The following SYN2 variants were observed in gnomAD, a reference collection of about 807,000 sequenced individuals.
SYN2 encodes synapsin II, also known as synapsin-2.
SYN2 carries 19 observed loss-of-function variants against 50.9 expected under a neutral mutation model. The observed-to-expected ratio is 0.37, with a 90% confidence interval of 0.26 to 0.55. The LOEUF (loss-of-function observed/expected upper bound fraction) is 0.55, where lower values mean the gene tolerates loss of function less well. Ranked by LOEUF, SYN2 falls within the 20% of genes least tolerant of loss-of-function variation. The pLI is 0.81. For synonymous variants in SYN2, 255 were observed against 224.9 expected (o/e 1.13, Z -1.20); for missense variants, 587 against 576.4 (o/e 1.02, Z -0.19).
chr3:12,153,407 A>G, intron 5 of SYN2: 2 of 1,310,976 alleles, frequency 1.5e-6, no homozygotes, highest in South Asian at 2.5e-5. Flanking sequence ...GGCACTTCTT[A>G]TTAGCTGGCA....
chr3:12,115,570 G>A (rs1025530600), intron 1 of SYN2, among the ~76,000 whole-genome samples: 1 of 152,040 alleles, frequency 6.6e-6, no homozygotes, highest in Admixed American at 6.6e-5. Flanking sequence ...TATTCATTCC[G>A]TATTTTTAAT....
Position 12,190,647 on chromosome 3 carries a change from C to T in SYN2, c.*22C>T. On this transcript the variant is annotated 3_prime_UTR_variant, in exon 13 of 13. Coordinates refer to ENST00000621198, the MANE Select transcript of SYN2 (RefSeq NM_133625.6). ...TTAGCTCTTCAGACACACGGGGCACCCAGCCCAACCGGGAAAGGCATCTAA... is the reference window on the plus strand; with the variant it reads ...TTAGCTCTTCAGACACACGGGGCACTCAGCCCAACCGGGAAAGGCATCTAA... 22 of 1,606,232 alleles carry T rather than the reference C, an allele frequency of 1.4e-5. No homozygotes were observed. The highest frequency in any genetic ancestry group is 1.9e-5 in the Non-Finnish European group (22 of 1,176,850).
chr3:12,104,555 T>G (rs1032298557), intron 1 of SYN2, among the ~76,000 whole-genome samples: 1 of 141,478 alleles, frequency 7.1e-6, no homozygotes, highest in African/African-American at 2.7e-5. Flanking sequence ...ATGTGAAACA[T>G]TTTTCTTTTC....
Position 12,066,216 on chromosome 3 carries a change from A to G in SYN2, c.377+61288A>G, listed in dbSNP as rs1574919541. ...AATAATGAATCAATATTGGCTTGTT[A>G]ATTATAACAAATATACCATACTGAT... On this transcript the variant is annotated intron_variant, in intron 1 of 12. Coordinates refer to ENST00000621198, the MANE Select transcript of SYN2 (RefSeq NM_133625.6). 2.6e-5 allele frequency among the ~76,000 whole-genome samples: 4 copies of G among 152,216 alleles called. No individual in the cohort carries two copies. In the South Asian group the frequency reaches 8.3e-4, roughly 32 times the overall value.
chr3:12,163,021 A>T (rs1327367297), intron 7 of SYN2, among the ~76,000 whole-genome samples: 1 of 152,040 alleles, frequency 6.6e-6, no homozygotes, highest in East Asian at 1.9e-4. Flanking sequence ...CGGGCGGATC[A>T]CGAGGTCAGG....
chr3:12,163,868 G>A (rs984371408), intron 7 of SYN2, among the ~76,000 whole-genome samples: 1 of 152,100 alleles, frequency 6.6e-6, no homozygotes, highest in Non-Finnish European at 1.5e-5. Context: ...CTTGAGCCTA[G>A]GAGTTCAAGA....
At chr3:12,112,434 C>G (rs1574947227) in intron 1 of SYN2, among the ~76,000 whole-genome samples, 1 of 152,198 alleles carries the variant, frequency 6.6e-6, no homozygotes, top group Non-Finnish European at 1.5e-5. Flanking sequence ...TACTCAAACC[C>G]AGCTTATAGC....
chr3:12,186,190 C>T (rs1033759376), intron 11 of SYN2, among the ~76,000 whole-genome samples: 1 of 150,864 alleles, frequency 6.6e-6, no homozygotes, highest in Non-Finnish European at 1.5e-5. Flanking sequence ...TCTGTAAGTC[C>T]ACTCCCTCCA....
At chr3:12,056,317 A>C (rs2125158861) in intron 1 of SYN2, among the ~76,000 whole-genome samples, 1 of 152,214 alleles carries the variant, frequency 6.6e-6, no homozygotes, top group East Asian at 1.9e-4. Flanking sequence ...TGGGTATTGA[A>C]GTTGCTCCTG....
intron 2 of SYN2, among the ~76,000 whole-genome samples, chr3:12,141,245 A>G (rs1035409916): frequency 4.0e-5 from 6 of 151,684 alleles, no homozygotes; most frequent in Admixed American, 3.9e-4. Flanking sequence ...TTCATAATAA[A>G]TAGTGATTGG....
At chr3:12,180,578 G>A (rs922534678) in intron 10 of SYN2, among the ~76,000 whole-genome samples, 1 of 152,180 alleles carries the variant, frequency 6.6e-6, no homozygotes, top group Non-Finnish European at 1.5e-5. Context: ...GAGCCAGGGT[G>A]TCTCAGCCTG....
intron 1 of SYN2, among the ~76,000 whole-genome samples, chr3:12,028,544 C>T (rs7372989): frequency 0.65 from 94,049 of 145,636 alleles, 32,622 homozygotes; most frequent in Middle Eastern, 0.78. Flanking sequence ...CCTGTTGTTT[C>T]CTGACTTTTT....
intron 5 of SYN2, chr3:12,157,028 G>A: frequency 1.1e-6 from 1 of 879,622 alleles, no homozygotes; most frequent in Non-Finnish European, 1.8e-6. Context: ...GCCTAAAAAT[G>A]TAAGCAAAAG....
chr3:12,048,513 CTGTT>C (rs1281160306), intron 1 of SYN2, among the ~76,000 whole-genome samples: 2 of 152,166 alleles, frequency 1.3e-5, no homozygotes, highest in Non-Finnish European at 2.9e-5. Flanking sequence ...TCTTTTAAGA[CTGTT>C]TGCCATATAA....
rs141159119 is a variant in SYN2, at chr3:12,114,517, A to G, written c.378-26134A>G. Among the ~76,000 whole-genome samples the G allele has an allele frequency of 4.4e-3, 669 of 152,008 alleles. 1 individual carries two copies. The highest frequency in any genetic ancestry group is 7.0e-3 in the Non-Finnish European group (477 of 67,930). ...ATATCTTAAAAATCTTGCTTACTCT[A>G]AGATCATGAAGATTTATCTCTATGT... On this transcript the variant is annotated intron_variant, in intron 1 of 12. Coordinates refer to ENST00000621198, the MANE Select transcript of SYN2 (RefSeq NM_133625.6).
intron 1 of SYN2, among the ~76,000 whole-genome samples, chr3:12,051,014 C>T (rs1208738761): frequency 2.6e-5 from 4 of 151,920 alleles, no homozygotes; most frequent in Admixed American, 1.3e-4. Context: ...GGATTACAGG[C>T]GTGAGCCACC....
At chr3:12,020,950 A>G (rs1468093305) in intron 1 of SYN2, among the ~76,000 whole-genome samples, 2 of 152,256 alleles carry the variant, frequency 1.3e-5, no homozygotes, top group African/African-American at 4.8e-5. Context: ...TAATTTTACC[A>G]TAGCAGTAGA....
intron 1 of SYN2, among the ~76,000 whole-genome samples, chr3:12,024,323 AT>A (rs1014982065): frequency 2.6e-5 from 4 of 151,310 alleles, no homozygotes; most frequent in South Asian, 2.1e-4. Context: ...CGCCCAGCTA[AT>A]TTTTTTTGTA....
intron 1 of SYN2, among the ~76,000 whole-genome samples, chr3:12,033,235 T>G (rs938099137): frequency 3.4e-5 from 5 of 148,518 alleles, no homozygotes; most frequent in Non-Finnish European, 7.5e-5. Flanking sequence ...GCAGTCTGCC[T>G]GTTCTCAGAT....
Sources: gnomAD v4.1 joint callset for allele counts (sites outside exome capture counted in the v4.1 genomes callset) on GRCh38, gnomAD v4.1.1 for gene constraint, MANE v1.5 for transcripts, NCBI Gene and HGNC (gene_info 2026-07-23, HGNC 2026-07-21) for gene names.